Variants in PPP2R2C observed in about 807,000 individuals in gnomAD.
PPP2R2C encodes the protein protein phosphatase 2, regulatory subunit B, gamma.
PPP2R2C carries 10 observed loss-of-function variants against 45.3 expected under a neutral mutation model. The observed-to-expected ratio is 0.22, with a 90% CI of 0.14 to 0.37. The LOEUF is 0.37. PPP2R2C is among the 10% of genes least tolerant of loss of function. PPP2R2C has a pLI of 1.00. For synonymous variants in PPP2R2C, 257 were observed against 245.4 expected, an observed-to-expected ratio of 1.05 and a Z score of -0.44; for missense variants, 308 against 619.7, an observed-to-expected ratio of 0.50 and a Z score of 5.34.
chr4:6,418,314 G>A (rs912257668), intron 1 of PPP2R2C, among the ~76,000 whole-genome samples: 4 of 152,034 alleles, frequency 2.6e-5, no homozygotes, highest in African/African-American at 9.7e-5. Flanking sequence ...CCTCAGGATG[G>A]CCCTAACAGG....
intron 2 of PPP2R2C, among the ~76,000 whole-genome samples, chr4:6,486,733 G>T (rs1036575550): frequency 1.3e-5 from 2 of 151,972 alleles, no homozygotes; most frequent in Admixed American, 1.3e-4. Flanking sequence ...TTTAACTCTT[G>T]TCTTTATATT....
Position 6,378,364 on chromosome 4 carries a change from C to T in PPP2R2C, c.334+43G>A. 6.2e-7 allele frequency: 1 copy of T among 1,613,182 alleles called. No homozygotes were observed. The highest frequency in any genetic ancestry group is 1.7e-4 in the Middle Eastern group (1 of 6,042). On this transcript the variant is annotated intron_variant, in intron 3 of 8. Coordinates refer to ENST00000382599, the MANE Select transcript of PPP2R2C (RefSeq NM_020416.4). This position sits in a 1 kb window ranked among gnomAD's most constrained non-coding sequence, Gnocchi z 5.2. The stretch of plus-strand genomic sequence containing the variant: ...ACAAACCAGCATTTGGTAGAAACAT[C>T]TACGGCCTGTGCCCATGCAAGCGAG...
Position 6,526,017 on chromosome 4 carries a change from G to C in PPP2R2C, c.49+9254C>G, listed in dbSNP as rs112404776. ...GTTGCCCAGCCCAGCATTCCTTCTT[G>C]ATAAGAGTCCTGATCTTGAAATGGT... On this transcript the variant is annotated intron_variant, in intron 2 of 9. Coordinates refer to the PPP2R2C transcript ENST00000506140. Among the ~76,000 whole-genome samples, 310 of 152,214 alleles carry C rather than the reference G, an allele frequency of 2.0e-3. 1 individual carries two copies. The highest frequency in any genetic ancestry group is 7.0e-3 in the African/African-American group (290 of 41,524).
At chr4:6,554,892 AAGG>A in intron 1 of PPP2R2C, among the ~76,000 whole-genome samples, 2 of 63,174 alleles carry the variant, frequency 3.2e-5, no homozygotes, top group Admixed American at 2.3e-4. Context: ...AAAAGAAAGG[AAGG>A]AAGGAAGGAA....
chr4:6,508,831 C>T (rs915836655), intron 2 of PPP2R2C, among the ~76,000 whole-genome samples: 2 of 152,196 alleles, frequency 1.3e-5, no homozygotes, highest in African/African-American at 2.4e-5. Flanking sequence ...TGGCAGGCCA[C>T]TGCGCATATG....
At chr4:6,337,737 AG>A (rs1363353407) in intron 6 of PPP2R2C, among the ~76,000 whole-genome samples, 2 of 152,298 alleles carry the variant, frequency 1.3e-5, no homozygotes, top group Non-Finnish European at 2.9e-5. Context: ...CAAAGATCAA[AG>A]GCTGAGAGAA....
intron 1 of PPP2R2C, among the ~76,000 whole-genome samples, chr4:6,538,988 G>C (rs187033351): frequency 6.6e-6 from 1 of 152,330 alleles, no homozygotes; most frequent in African/African-American, 2.4e-5. Flanking sequence ...GGAAGGGCTA[G>C]ATTGCTTCCC....
intron 2 of PPP2R2C, among the ~76,000 whole-genome samples, chr4:6,512,158 GTGA>G (rs1375219677): frequency 1.3e-5 from 1 of 75,288 alleles, no homozygotes. Context: ...AGTGGTGATG[GTGA>G]TGGTGGTGAT....
intron 1 of PPP2R2C, among the ~76,000 whole-genome samples, chr4:6,413,497 C>T (rs182990573): frequency 1.1e-3 from 162 of 152,328 alleles, no homozygotes; most frequent in East Asian, 7.7e-4. Flanking sequence ...GTGAGCCCAA[C>T]ACAACCCATC....
intron 2 of PPP2R2C, among the ~76,000 whole-genome samples, chr4:6,490,524 G>C (rs896972450): frequency 6.6e-6 from 1 of 152,182 alleles, no homozygotes; most frequent in Non-Finnish European, 1.5e-5. Context: ...GCACCCAATC[G>C]TGCCTTGAGG....
intron 5 of PPP2R2C, chr4:6,349,502 C>A (rs528085213): frequency 1.0e-6 from 1 of 985,430 alleles, no homozygotes; most frequent in Admixed American, 6.1e-5. Context: ...CTGGAAAATA[C>A]TGACTGAAAC....
At chr4:6,413,208 C>T (rs1366357416) in intron 1 of PPP2R2C, among the ~76,000 whole-genome samples, 4 of 152,076 alleles carry the variant, frequency 2.6e-5, no homozygotes, top group African/African-American at 7.2e-5. Flanking sequence ...CCAATGTGCT[C>T]GGACATACAT....
intron 2 of PPP2R2C, among the ~76,000 whole-genome samples, chr4:6,527,644 G>A (rs1724260927): frequency 1.4e-5 from 2 of 140,292 alleles, no homozygotes; most frequent in South Asian, 5.0e-4. Context: ...TGGCCACATG[G>A]AACTCCGGCC....
chr4:6,460,009 C>T (rs1216337500), intron 1 of PPP2R2C, among the ~76,000 whole-genome samples: 4 of 152,096 alleles, frequency 2.6e-5, no homozygotes, highest in Non-Finnish European at 5.9e-5. Context: ...CAAAAAGGTG[C>T]AAAGATGCCC....
At chr4:6,562,361 A>G (rs1361253031) in intron 1 of PPP2R2C, among the ~76,000 whole-genome samples, 1 of 151,618 alleles carries the variant, frequency 6.6e-6, no homozygotes, top group Admixed American at 6.6e-5. Context: ...CAGCCTCTGG[A>G]GCTCTCCCAC....
chr4:6,395,574 G>T (rs1291619923), intron 1 of PPP2R2C, among the ~76,000 whole-genome samples: 5 of 152,200 alleles, frequency 3.3e-5, no homozygotes, highest in Non-Finnish European at 5.9e-5. Context: ...GGTAGGGTGT[G>T]GGCAGAGGCG....
intron 6 of PPP2R2C, among the ~76,000 whole-genome samples, chr4:6,347,639 G>A (rs903607057): frequency 1.3e-5 from 2 of 152,146 alleles, no homozygotes; most frequent in Non-Finnish European, 2.9e-5. Flanking sequence ...GTTCCTGGCT[G>A]TGCAGGGACT....
At chr4:6,484,868 G>C (rs1231760052) in intron 2 of PPP2R2C, among the ~76,000 whole-genome samples, 1 of 151,818 alleles carries the variant, frequency 6.6e-6, no homozygotes, top group Non-Finnish European at 1.5e-5. Context: ...TGTCATCTGT[G>C]AATAAAGACA....
intron 4 of PPP2R2C, 35 bp from the exon 5 acceptor site, chr4:6,372,735 G>A: frequency 6.2e-7 from 1 of 1,602,968 alleles, no homozygotes; most frequent in Non-Finnish European, 8.5e-7. Flanking sequence ...AGAGGTGAAG[G>A]CCAGGTGGTG....
Sources: allele counts gnomAD v4.1 joint callset (sites outside exome capture counted in the v4.1 genomes callset), GRCh38; gene constraint gnomAD v4.1.1; non-coding constraint Gnocchi (gnomAD v3.1); transcripts MANE v1.5; gene names NCBI Gene and HGNC (gene_info 2026-07-23, HGNC 2026-07-21).